Variants in USH2A observed in about 807,000 individuals in gnomAD.
USH2A encodes the protein Usher syndrome 2A (autosomal recessive, mild).
In USH2A, 443 loss-of-function variants were observed where a neutral mutation model predicts 538.9. The ratio of observed to expected loss-of-function variants is 0.82; its 90% CI spans 0.76 to 0.89. The LOEUF is 0.89. USH2A is among the 40% of genes least tolerant of loss of function. The pLI, the probability that USH2A is intolerant of heterozygous loss-of-function variation, is 0.00. For missense variants in USH2A, 6,633 were observed against 6,324.8 expected, an observed-to-expected ratio of 1.05 and a Z score of -1.65; for synonymous variants, 2,413 against 2,273.5, an observed-to-expected ratio of 1.06 and a Z score of -1.75.
At chr1:216,357,892 G>C (rs2038418787) in intron 4 of USH2A, among the ~76,000 whole-genome samples, 1 of 152,052 alleles carries the variant, frequency 6.6e-6, no homozygotes, top group African/African-American at 2.4e-5. Context: ...TACCCAATTG[G>C]AAGCACTAAA....
At chr1:216,092,026 T>C (rs564168037) in intron 22 of USH2A, among the ~76,000 whole-genome samples, 18 of 152,276 alleles carry the variant, frequency 1.2e-4, no homozygotes, top group African/African-American at 4.1e-4. Context: ...ACTTTTTCTC[T>C]AATTTTTTCA....
intron 55 of USH2A, among the ~76,000 whole-genome samples, chr1:215,776,305 T>C (rs1661467049): frequency 6.6e-6 from 1 of 152,196 alleles, no homozygotes; most frequent in Admixed American, 6.5e-5. Context: ...CAGAAAACGC[T>C]TCAGTTTACT....
chr1:216,094,252 C>T (rs1160082628), intron 22 of USH2A, among the ~76,000 whole-genome samples: 2 of 151,998 alleles, frequency 1.3e-5, no homozygotes, highest in African/African-American at 4.8e-5. Context: ...ATTTGGATGT[C>T]CTGAAGAGCA....
At chr1:215,695,902 A>G (rs1053166875) in intron 61 of USH2A, among the ~76,000 whole-genome samples, 1 of 151,708 alleles carries the variant, frequency 6.6e-6, no homozygotes, top group Non-Finnish European at 1.5e-5. Context: ...GGTGTGTGCC[A>G]CCACACCCAA....
At chr1:216,082,750 G>A (rs1376783318) in intron 26 of USH2A, among the ~76,000 whole-genome samples, 1 of 151,978 alleles carries the variant, frequency 6.6e-6, no homozygotes, top group African/African-American at 2.4e-5. Flanking sequence ...AGCAAAACAT[G>A]GGAACAACCA....
At chr1:216,276,208 C>T (rs2036667952) in intron 11 of USH2A, among the ~76,000 whole-genome samples, 1 of 152,148 alleles carries the variant, frequency 6.6e-6, no homozygotes, top group Non-Finnish European at 1.5e-5. Flanking sequence ...AATTAATGAA[C>T]TACAATGCTT....
intron 13 of USH2A, 51 bp downstream of exon 13, chr1:216,246,534 A>G: frequency 1.9e-6 from 3 of 1,613,256 alleles, no homozygotes; most frequent in Non-Finnish European, 2.5e-6. Flanking sequence ...TACCTAAGTT[A>G]ACAAAAGGAA....
intron 21 of USH2A, among the ~76,000 whole-genome samples, chr1:216,161,018 T>C (rs899466510): frequency 1.3e-5 from 2 of 152,196 alleles, no homozygotes; most frequent in Non-Finnish European, 2.9e-5. Context: ...ACATTTATTG[T>C]CTTAAAATCT....
At chr1:215,788,484 G>A (rs1661866226) in intron 51 of USH2A, among the ~76,000 whole-genome samples, 2 of 147,568 alleles carry the variant, frequency 1.4e-5, no homozygotes, top group South Asian at 4.3e-4. Flanking sequence ...GAAGACAACT[G>A]CCTAACTCAT....
chr1:215,898,308 C>G (rs964926306), intron 40 of USH2A, among the ~76,000 whole-genome samples: 4 of 152,186 alleles, frequency 2.6e-5, no homozygotes, highest in Non-Finnish European at 5.9e-5. Context: ...AATACCACAA[C>G]AATGGAGGGT....
intron 61 of USH2A, among the ~76,000 whole-genome samples, chr1:215,700,990 A>G (rs1198745808): frequency 6.6e-6 from 1 of 152,128 alleles, no homozygotes; most frequent in Non-Finnish European, 1.5e-5. Context: ...TGTGTCCCAG[A>G]GATTCTGGTA....
intron 40 of USH2A, among the ~76,000 whole-genome samples, chr1:215,893,322 G>A (rs975315421): frequency 1.3e-5 from 2 of 152,080 alleles, no homozygotes; most frequent in Non-Finnish European, 2.9e-5. Flanking sequence ...GCAGTTTTTA[G>A]ATACTTGACT....
intron 70 of USH2A, 33 bp from the exon 71 acceptor site, chr1:215,629,068 A>G (rs1656172014): frequency 6.3e-7 from 1 of 1,582,218 alleles, no homozygotes. Flanking sequence ...TATTTCACAT[A>G]TAAAGAATAT....
At chr1:215,808,563 C>G (rs1052771152) in intron 49 of USH2A, among the ~76,000 whole-genome samples, 2 of 152,112 alleles carry the variant, frequency 1.3e-5, no homozygotes, top group Non-Finnish European at 2.9e-5. Flanking sequence ...AACACCCTCA[C>G]GCTATCCCTG....
At chr1:215,650,485 A>G in intron 65 of USH2A, 107 bp downstream of exon 65, 1 of 1,339,384 alleles carries the variant, frequency 7.5e-7, no homozygotes, top group Non-Finnish European at 1.1e-6. Context: ...AACTGAGAAC[A>G]GAAGGATAAG....
chr1:216,020,725 C>T (rs1571895010), intron 32 of USH2A, among the ~76,000 whole-genome samples: 1 of 152,252 alleles, frequency 6.6e-6, no homozygotes, highest in South Asian at 2.1e-4. Context: ...AGGGGAGTGG[C>T]TGGAAATTGA....
rs140202956 is a variant in USH2A at position 215,674,953 on chromosome 1, C to T, written c.12958G>A (p.Asp4320Asn). Residue 4320 changes from aspartate to asparagine, a missense_variant, in exon 63 of 72, where the codon GAT becomes AAT. By Grantham distance (23) the Asp-to-Asn change is conservative. Transcript: ENST00000307340. ...GTGGAAAAAGGAAGAAGCTCTTCAT[C>T]AGTGTAATTGAAAGTCACAGGATCA... ...SFDPVTFNYT[D>N]EELLPFSTYS... 6.2e-7 allele frequency: 1 copy of T among 1,614,154 alleles called. No individual in the cohort carries two copies. Among genetic ancestry groups the T allele is most frequent in the African/African-American group, 1.3e-5 (1 of 75,040 alleles).
chr1:216,028,813 A>T (rs1669027712), intron 32 of USH2A, among the ~76,000 whole-genome samples: 1 of 152,130 alleles, frequency 6.6e-6, no homozygotes, highest in South Asian at 2.1e-4. Flanking sequence ...CATACACAAA[A>T]TGTTACATAA....
At chr1:216,334,350 G>A (rs1287934944) in intron 4 of USH2A, among the ~76,000 whole-genome samples, 1 of 151,816 alleles carries the variant, frequency 6.6e-6, no homozygotes, top group Non-Finnish European at 1.5e-5. Flanking sequence ...AATGACAAGG[G>A]TATTAAATTA....
Sources: allele counts gnomAD v4.1 joint callset (sites outside exome capture counted in the v4.1 genomes callset), GRCh38; gene constraint gnomAD v4.1.1; transcripts MANE v1.5; gene names NCBI Gene and HGNC (gene_info 2026-07-23, HGNC 2026-07-21).